NT5DC4: variants seen among roughly 807,000 people sequenced by gnomAD.
NT5DC4 encodes 5'-nucleotidase domain-containing protein 4.
A neutral mutation model predicts 26.6 loss-of-function variants in NT5DC4; 44 were observed. The ratio of observed to expected loss-of-function variants is 1.65; its 90% CI spans 1.30 to 2.13. The LOEUF (loss-of-function observed/expected upper bound fraction) is 2.13. Ranked by LOEUF, NT5DC4 falls within the 30% of genes most tolerant of loss-of-function variation. NT5DC4 has a pLI of 0.00. For missense variants in NT5DC4, 399 were observed against 228.1 expected, an observed-to-expected ratio of 1.75 and a Z score of -4.83; for synonymous variants, 157 against 86.7, an observed-to-expected ratio of 1.81 and a Z score of -4.51.
intron 2 of NT5DC4, 28 bp from the exon 3 acceptor site, chr2:112,721,958 A>T (rs1676926140): frequency 1.4e-6 from 1 of 717,204 alleles, no homozygotes; most frequent in African/African-American, 1.7e-5. Flanking sequence ...TGGGCACCAA[A>T]GCCCTGATTC....
chr2:112,722,632 G>A (rs1259125145), intron 5 of NT5DC4, 43 bp downstream of exon 5: 9 of 717,334 alleles, frequency 1.3e-5, no homozygotes, highest in Admixed American at 2.0e-5. Context: ...CCTGAGTTCC[G>A]GAGCTGAGGG....
At chr2:112,741,059 A>G (rs113389463), downstream of NT5DC4, 83 of 1,207,774 alleles carry the variant, frequency 6.9e-5, 4 homozygotes, top group African/African-American at 7.6e-4. Flanking sequence ...TTAATACTTC[A>G]ACTAGAAGTC....
chr2:112,734,622 T>C (rs953191827), intron 16 of NT5DC4, among the ~76,000 whole-genome samples: 3 of 152,208 alleles, frequency 2.0e-5, no homozygotes, highest in Non-Finnish European at 4.4e-5. Flanking sequence ...CACATGCGCA[T>C]ACTGGGGTTG....
chr2:112,719,932 TTCTTTC>T (rs1405186737), upstream of NT5DC4, among the ~76,000 whole-genome samples: 1 of 48,832 alleles, frequency 2.0e-5, no homozygotes, highest in East Asian at 4.9e-4. Flanking sequence ...TTCTCTTTCT[TTCTTTC>T]TTTCTTTCTT....
At chr2:112,727,078 G>A (rs1677841429) in intron 15 of NT5DC4, 1 of 339,382 alleles carries the variant, frequency 2.9e-6, no homozygotes, top group African/African-American at 2.1e-5. Flanking sequence ...ATGTGATTTA[G>A]GGCCAGTGAG....
chr2:112,742,737 A>G (rs1200791301), downstream of NT5DC4: 1 of 1,609,336 alleles, frequency 6.2e-7, no homozygotes. Flanking sequence ...CTTGCAAGAT[A>G]TTAAGAACAA....
rs150412692 is a variant in NT5DC4, at chr2:112,734,169, A to ATATATATATGTG, written c.1344+4466_1344+4467insATATATATGTGT. 4.9e-4 allele frequency among the ~76,000 whole-genome samples: 66 copies of ATATATATATGTG among 134,866 alleles called. 1 individual carries two copies. The East Asian group carries it at 0.013, about 27-fold the overall frequency. 88.5% of individuals were successfully genotyped at this position (134,866 alleles called of 152,430 possible). On this transcript the variant is annotated intron_variant, in intron 16 of 16. Transcript: ENST00000688554. ...AAGTGTTTTCTATGCTATTATATAT[A>ATATATATATGTG]TGTGTGTGTGTGTGTGTGTGTGTGT...
intron 13 of NT5DC4, 103 bp from the exon 14 acceptor site, chr2:112,726,135 G>A (rs1265984411): frequency 2.9e-6 from 2 of 700,754 alleles, no homozygotes; most frequent in Non-Finnish European, 5.3e-6. Context: ...ACACAGCTCA[G>A]GGTGTGCAAG....
At chr2:112,721,712 G>C in intron 1 of NT5DC4, 106 bp from the exon 2 acceptor site, 1 of 715,246 alleles carries the variant, frequency 1.4e-6, no homozygotes, top group Non-Finnish European at 2.6e-6. Flanking sequence ...TGCAGCTGCA[G>C]GGGGTGCTCT....
intron 16 of NT5DC4, among the ~76,000 whole-genome samples, chr2:112,734,697 GCT>G (rs2104803362): frequency 6.6e-6 from 1 of 152,208 alleles, no homozygotes; most frequent in Admixed American, 6.6e-5. Context: ...AAATTGGGGT[GCT>G]TTTTTTGTGA....
chr2:112,731,517 T>C (rs1209105513), intron 16 of NT5DC4: 1 of 152,240 alleles, frequency 6.6e-6, no homozygotes, highest in Non-Finnish European at 1.5e-5. Context: ...TGCTCTTTCA[T>C]TCTGGGTCAC....
At chr2:112,725,121 A>G (rs1245117359) in intron 11 of NT5DC4, 53 bp from the exon 12 acceptor site, 1 of 692,896 alleles carries the variant, frequency 1.4e-6, no homozygotes. Flanking sequence ...CTCCCTAGCT[A>G]GAGACCAAAG....
upstream of NT5DC4, among the ~76,000 whole-genome samples, chr2:112,720,558 C>G (rs1337511306): frequency 6.6e-6 from 1 of 152,128 alleles, no homozygotes; most frequent in Non-Finnish European, 1.5e-5. Flanking sequence ...TTTCTGCCAC[C>G]CCCCCATTCT....
In NT5DC4 at chr2:112,738,876, G is replaced by T. The variant is rs76036957; in HGVS notation, c.1345-37G>T. 10 of 1,613,866 alleles carry T rather than the reference G, an allele frequency of 6.2e-6. No individual in the cohort carries two copies. In the Admixed American group the frequency reaches 6.7e-5, roughly 11 times the overall value. On this transcript the variant is annotated intron_variant, in intron 16 of 16. Coordinates refer to ENST00000688554, the MANE Select transcript of NT5DC4 (RefSeq NM_001393655.1). ...GTTACAGGCAGCGCCTCATTTCTAC[G>T]GAATATAAAACATTTTGTTTCTTCC...
At chr2:112,726,455 C>T (rs1346445299) in intron 14 of NT5DC4, among the ~76,000 whole-genome samples, 166 bp downstream of exon 14, 1 of 152,196 alleles carries the variant, frequency 6.6e-6, no homozygotes. Context: ...ACCCCTCTCA[C>T]CCCCTTGGGA....
At chr2:112,742,444 C>A, downstream of NT5DC4, 1 of 717,706 alleles carries the variant, frequency 1.4e-6, no homozygotes, top group East Asian at 2.7e-5. Context: ...TGTCTTCTGC[C>A]ATCTAGGATT....
At chr2:112,721,232 C>T (rs1676835241) in intron 1 of NT5DC4, among the ~76,000 whole-genome samples, 79 bp downstream of exon 1, 1 of 152,214 alleles carries the variant, frequency 6.6e-6, no homozygotes, top group African/African-American at 2.4e-5. Context: ...CACAGGGGCT[C>T]CTTTAAATAC....
At chr2:112,731,008 T>C (rs1678422174) in intron 16 of NT5DC4, 1 of 152,170 alleles carries the variant, frequency 6.6e-6, no homozygotes, top group African/African-American at 2.4e-5. Flanking sequence ...ACACATTATC[T>C]ACCCCTGGTT....
chr2:112,738,804 T>C, intron 16 of NT5DC4, 109 bp from the exon 17 acceptor site: 1 of 1,529,464 alleles, frequency 6.5e-7, no homozygotes, highest in Non-Finnish European at 9.1e-7. Context: ...ACACCTTTTT[T>C]AAAAAAAGCA....
Sources: gnomAD v4.1 joint callset for allele counts (sites outside exome capture counted in the v4.1 genomes callset) on GRCh38, gnomAD v4.1.1 for gene constraint, MANE v1.5 for transcripts, NCBI Gene and HGNC (gene_info 2026-07-23, HGNC 2026-07-21) for gene names.